Variants in SYNE1 observed in about 807,000 individuals in gnomAD.
SYNE1 encodes the protein nesprin-1.
SYNE1 carries 616 observed loss-of-function variants against 1,111.0 expected under a neutral mutation model. The ratio of observed to expected loss-of-function variants is 0.55; its 90% CI spans 0.52 to 0.59. The LOEUF (loss-of-function observed/expected upper bound fraction) is 0.59, where lower values mean the gene tolerates loss of function less well. Ranked by LOEUF, SYNE1 falls within the 20% of genes least tolerant of loss-of-function variation. The probability of loss-of-function intolerance (pLI) is 0.00; values close to 1 mark genes in which losing one functional copy is unlikely to be tolerated. For missense variants in SYNE1, 10,006 were observed against 10,417.0 expected (o/e 0.96, Z 1.72); for synonymous variants, 3,855 against 3,825.8 (o/e 1.01, Z -0.28).
chr6:152,314,738 G>T (rs1223871910), intron 87 of SYNE1, among the ~76,000 whole-genome samples: 1 of 151,796 alleles, frequency 6.6e-6, no homozygotes, highest in Admixed American at 6.6e-5. Flanking sequence ...ATCGCTTGAG[G>T]CCAGGAGTTT....
intron 41 of SYNE1, among the ~76,000 whole-genome samples, chr6:152,414,247 T>C (rs1440708896): frequency 6.6e-6 from 1 of 151,588 alleles, no homozygotes; most frequent in Non-Finnish European, 1.5e-5. Flanking sequence ...CTACAAAAAA[T>C]TAAAAAAAAA....
intron 8 of SYNE1, among the ~76,000 whole-genome samples, chr6:152,509,065 C>T (rs1463192579): frequency 6.6e-6 from 1 of 151,768 alleles, no homozygotes; most frequent in African/African-American, 2.4e-5. Context: ...GCATGCAAAA[C>T]AAGATAAAAA....
At chr6:152,241,974 G>C (rs2085826543) in intron 107 of SYNE1, among the ~76,000 whole-genome samples, 1 of 152,200 alleles carries the variant, frequency 6.6e-6, no homozygotes, top group South Asian at 2.1e-4. Context: ...GCTAATACTA[G>C]TGAGGAACTG....
intron 85 of SYNE1, 75 bp downstream of exon 85, chr6:152,318,788 T>A: frequency 6.4e-7 from 1 of 1,573,864 alleles, no homozygotes; most frequent in Non-Finnish European, 8.7e-7. Context: ...GTTTTTATCC[T>A]ATATCCCCAA....
rs150464620 is a variant in SYNE1 at position 152,274,755 on chromosome 6, C to T, written c.18573+3334G>A. Among the ~76,000 whole-genome samples the T allele has an allele frequency of 2.4e-4, 37 of 152,200 alleles. 1 individual carries two copies. In the East Asian group the frequency reaches 6.2e-3, roughly 26 times the overall value. ...GGGATTACAGGTTCCCACCACCACA[C>T]CTGGCTAATTTTGTATTTTTAGTAT... On this transcript the variant is annotated intron_variant, in intron 98 of 145. Transcript: ENST00000367255.
rs555352806 is a variant in SYNE1 at position 152,321,615 on chromosome 6, A to AT, written c.16083+105dup. ...ATCTTTTATATAACACACTTCTGAA[A>AT]TTTTTTAATTCAATATTCAATAAAT... On this transcript the variant is annotated intron_variant, in intron 83 of 145. Coordinates refer to ENST00000367255, the MANE Select transcript of SYNE1 (RefSeq NM_182961.4). The AT allele has an allele frequency of 7.1e-4, 1,039 of 1,453,642 alleles. 1 individual carries two copies. Among genetic ancestry groups the AT allele is most frequent in the Non-Finnish European group, 6.9e-4 (733 of 1,055,022 alleles). The allele number at this position is 1,453,642 out of a possible 1,614,324, so 90.0% of individuals were successfully genotyped here. A position where few individuals can be genotyped will look rare whatever the true frequency, so the allele number is the denominator to read the frequency against.
chr6:152,595,822 G>A (rs918903059), intron 3 of SYNE1, among the ~76,000 whole-genome samples: 4 of 152,102 alleles, frequency 2.6e-5, no homozygotes, highest in African/African-American at 9.7e-5. Flanking sequence ...TCACCTGTAC[G>A]ATGCGGCTGT....
intron 5 of SYNE1, among the ~76,000 whole-genome samples, chr6:152,522,789 C>T (rs1038727184): frequency 1.3e-5 from 2 of 152,014 alleles, no homozygotes; most frequent in Admixed American, 6.6e-5. Context: ...TTTTAATTTG[C>T]ATTTCCCTGA....
intron 33 of SYNE1, 38 bp downstream of exon 33, chr6:152,435,903 T>G (rs765689713): frequency 8.7e-6 from 14 of 1,612,392 alleles, no homozygotes; most frequent in Non-Finnish European, 1.1e-5. Flanking sequence ...TGAAACTTTA[T>G]CTCAGAGAAG....
chr6:152,160,375 C>A (rs1448981168), intron 131 of SYNE1, among the ~76,000 whole-genome samples: 1 of 152,194 alleles, frequency 6.6e-6, no homozygotes, highest in Non-Finnish European at 1.5e-5. Context: ...CCTCCTGGCT[C>A]CTCCTGGAAA....
intron 3 of SYNE1, among the ~76,000 whole-genome samples, chr6:152,554,901 T>A (rs997486530): frequency 6.6e-6 from 1 of 152,208 alleles, no homozygotes; most frequent in East Asian, 1.9e-4. Flanking sequence ...AAGAAAACAT[T>A]TTAATTTAAA....
chr6:152,240,419 TA>T (rs1357505683), intron 107 of SYNE1, among the ~76,000 whole-genome samples: 1 of 152,226 alleles, frequency 6.6e-6, no homozygotes, highest in Non-Finnish European at 1.5e-5. Context: ...CACAGCTTTA[TA>T]TGCACTGATT....
chr6:152,276,389 C>T (rs988795585), intron 98 of SYNE1, among the ~76,000 whole-genome samples: 8 of 151,978 alleles, frequency 5.3e-5, no homozygotes, highest in African/African-American at 1.9e-4. Flanking sequence ...TTTTCAATGA[C>T]CTAACTTCAT....
chr6:152,620,047 G>A (rs1407489), intron 3 of SYNE1, among the ~76,000 whole-genome samples: 1 of 151,936 alleles, frequency 6.6e-6, no homozygotes, highest in African/African-American at 2.4e-5. Flanking sequence ...CACGCGCACC[G>A]GCTCAGACCT....
At chr6:152,551,283 G>A (rs1373437664) in intron 3 of SYNE1, among the ~76,000 whole-genome samples, 1 of 152,178 alleles carries the variant, frequency 6.6e-6, no homozygotes, top group Non-Finnish European at 1.5e-5. Context: ...GAACAAGGAA[G>A]CTAAAGAATA....
At position 152,326,490 on chromosome 6, in the gene SYNE1, T is replaced by C; in HGVS notation, c.15099A>G (p.Lys5033=). The C allele has an allele frequency of 1.2e-6, 2 of 1,614,204 alleles. No homozygotes were observed. The highest frequency in any genetic ancestry group is 1.7e-6 in the Non-Finnish European group (2 of 1,180,036). ...CTGTACTGAAAAATTCCATGTGGCTTTTGAGATTTTCCTCTGCGCTCTCCA... is the reference window on the plus strand; with the variant it reads ...CTGTACTGAAAAATTCCATGTGGCTCTTGAGATTTTCCTCTGCGCTCTCCA... ...LDVESAEENL[K]SHMEFFSTED... The change falls in exon 79 of 146, where the codon AAA becomes AAG. Residue 5033 remains lysine, a synonymous_variant. Transcript: ENST00000367255.
intron 3 of SYNE1, among the ~76,000 whole-genome samples, chr6:152,619,364 A>T (rs982311872): frequency 6.6e-6 from 1 of 152,016 alleles, no homozygotes; most frequent in South Asian, 2.1e-4. Context: ...ACAGTGGCTA[A>T]CAGAGTTTTT....
chr6:152,379,233 C>T (rs1451810009), intron 56 of SYNE1, among the ~76,000 whole-genome samples: 1 of 152,126 alleles, frequency 6.6e-6, no homozygotes, highest in African/African-American at 2.4e-5. Context: ...ATATAAATAT[C>T]AGCTTATGTA....
At chr6:152,139,717 AAAAGAAAGAAAGAAAG>A (rs138419982) in intron 140 of SYNE1, among the ~76,000 whole-genome samples, 1,509 of 95,474 alleles carry the variant, frequency 0.016, 29 homozygotes, top group African/African-American at 0.06. Flanking sequence ...AAAAGAAAGA[AAAAGAAAGAAAGAAAG>A]AAAGAAAGAA....
Sources: allele counts gnomAD v4.1 joint callset (sites outside exome capture counted in the v4.1 genomes callset), GRCh38; gene constraint gnomAD v4.1.1; transcripts MANE v1.5; gene names NCBI Gene and HGNC (gene_info 2026-07-23, HGNC 2026-07-21).